Variants in RBFOX1 observed in about 807,000 individuals in gnomAD.
RBFOX1 encodes RNA binding fox-1 homolog 1.
In RBFOX1, 8 loss-of-function variants were observed where a neutral mutation model predicts 57.7. That is an observed-to-expected ratio of 0.14 (90% confidence interval 0.08 to 0.25). The LOEUF (loss-of-function observed/expected upper bound fraction) is 0.25, where lower values mean the gene tolerates loss of function less well. RBFOX1 is among the 10% of genes least tolerant of loss of function. The pLI is 1.00. For synonymous variants in RBFOX1, 326 were observed against 222.4 expected (o/e 1.47, Z -4.15); for missense variants, 611 against 548.5 (o/e 1.11, Z -1.14).
intron 14 of RBFOX1, among the ~76,000 whole-genome samples, chr16:7,690,428 C>G (rs376683281): frequency 7.2e-5 from 11 of 152,174 alleles, no homozygotes; most frequent in South Asian, 4.1e-4. Flanking sequence ...TAGAAGTGCA[C>G]CAATTATTTA....
At chr16:7,350,726 A>G (rs1326173179) in intron 4 of RBFOX1, among the ~76,000 whole-genome samples, 1 of 152,176 alleles carries the variant, frequency 6.6e-6, no homozygotes, top group East Asian at 1.9e-4. Flanking sequence ...TGACCGGAGA[A>G]TTCTGCCCTA....
chr16:6,254,640 GTC>G (rs2097649013), intron 1 of RBFOX1, among the ~76,000 whole-genome samples: 1 of 152,122 alleles, frequency 6.6e-6, no homozygotes, highest in African/African-American at 2.4e-5. Context: ...ATGCAATCTA[GTC>G]TCTGCGTGAA....
intron 2 of RBFOX1, among the ~76,000 whole-genome samples, chr16:6,385,214 A>G (rs548569168): frequency 6.6e-6 from 1 of 152,338 alleles, no homozygotes; most frequent in East Asian, 1.9e-4. Context: ...GCTTTTTCGT[A>G]TTTAAATAAT....
intron 3 of RBFOX1, among the ~76,000 whole-genome samples, chr16:6,944,416 GAAAGA>G (rs1408300987): frequency 7.1e-6 from 1 of 141,304 alleles, no homozygotes; most frequent in Non-Finnish European, 1.5e-5. Flanking sequence ...AAAAAAAAAA[GAAAGA>G]AAAGAAAAAA....
At chr16:5,532,780 G>A (rs776533484) in intron 2 of RBFOX1, among the ~76,000 whole-genome samples, 6 of 152,178 alleles carry the variant, frequency 3.9e-5, no homozygotes, top group African/African-American at 9.6e-5. Context: ...CTGGATTGGG[G>A]TGAATTGGGG....
At chr16:7,661,693 C>T (rs2067784957) in intron 12 of RBFOX1, among the ~76,000 whole-genome samples, 1 of 152,186 alleles carries the variant, frequency 6.6e-6, no homozygotes, top group South Asian at 2.1e-4. Context: ...CTTCTTCGGT[C>T]TTCATGCCTT....
At chr16:6,188,302 C>A (rs1387019079) in intron 1 of RBFOX1, among the ~76,000 whole-genome samples, 1 of 151,468 alleles carries the variant, frequency 6.6e-6, no homozygotes, top group African/African-American at 2.4e-5. Flanking sequence ...TTTCATGCTT[C>A]CTTCAATTTT....
chr16:6,742,686 C>T (rs1184540084), intron 3 of RBFOX1, among the ~76,000 whole-genome samples: 3 of 152,108 alleles, frequency 2.0e-5, no homozygotes, highest in African/African-American at 7.2e-5. Flanking sequence ...TACACAACAC[C>T]TGTGATGAAT....
chr16:6,646,682 C>T (rs542091853), intron 2 of RBFOX1, among the ~76,000 whole-genome samples: 11 of 152,052 alleles, frequency 7.2e-5, no homozygotes, highest in Non-Finnish European at 1.2e-4. Flanking sequence ...CAGAGAGCTG[C>T]TTTTCCTCAC....
chr16:7,098,040 A>C (rs9921385), intron 4 of RBFOX1, among the ~76,000 whole-genome samples: 211 of 152,236 alleles, frequency 1.4e-3, no homozygotes, highest in African/African-American at 4.8e-3. Context: ...GGAGTATTCA[A>C]GTAAAGCCAG....
At chr16:5,731,245 A>G (rs938118570) in intron 3 of RBFOX1, among the ~76,000 whole-genome samples, 1 of 151,588 alleles carries the variant, frequency 6.6e-6, no homozygotes, top group African/African-American at 2.4e-5. Context: ...ATCACTATCA[A>G]TGTCTCCACC....
At chr16:5,476,873 A>G (rs2151634045) in intron 2 of RBFOX1, among the ~76,000 whole-genome samples, 1 of 152,176 alleles carries the variant, frequency 6.6e-6, no homozygotes, top group African/African-American at 2.4e-5. Flanking sequence ...AACCTTTCTC[A>G]ATCTAGTTCT....
intron 2 of RBFOX1, among the ~76,000 whole-genome samples, chr16:6,557,982 C>G (rs1177743460): frequency 6.6e-6 from 1 of 152,176 alleles, no homozygotes; most frequent in Non-Finnish European, 1.5e-5. Flanking sequence ...CATTTTTGCT[C>G]ATGGGATACA....
At chr16:5,746,246 T>C (rs2052976113) in intron 3 of RBFOX1, among the ~76,000 whole-genome samples, 1 of 152,186 alleles carries the variant, frequency 6.6e-6, no homozygotes, top group South Asian at 2.1e-4. Context: ...ATCAGATGGT[T>C]GTAGATGTGT....
rs544628295 is a variant in RBFOX1, at chr16:6,999,899, C to G, written c.-15-52158C>G. Among the ~76,000 whole-genome samples, 426 of 151,930 alleles carry G rather than the reference C, an allele frequency of 2.8e-3. 4 individuals are homozygous for G. Among genetic ancestry groups the G allele is most frequent in the African/African-American group, 9.7e-3 (402 of 41,440 alleles). ...GCAGCCTGAGCAACATGGTGAAACC[C>G]TGTCTTTACTAAAAATACAGAAGTT... is the stretch of plus-strand genomic sequence containing the variant. On this transcript the variant is annotated intron_variant, in intron 3 of 15. Transcript: ENST00000550418.
chr16:6,300,530 A>G (rs1334977143), intron 1 of RBFOX1, among the ~76,000 whole-genome samples: 1 of 152,220 alleles, frequency 6.6e-6, no homozygotes, highest in Non-Finnish European at 1.5e-5. Flanking sequence ...CCTGTGGTAC[A>G]TATAAAGTAT....
intron 2 of RBFOX1, among the ~76,000 whole-genome samples, chr16:6,489,061 A>G (rs909263776): frequency 1.3e-5 from 2 of 152,188 alleles, no homozygotes; most frequent in African/African-American, 2.4e-5. Flanking sequence ...TCCTTGGAAC[A>G]TCTTTCTTTA....
rs113323986 is a variant in RBFOX1, at chr16:5,723,520, G to C, written c.318+124559G>C. On this transcript the variant is annotated intron_variant, in intron 3 of 19. Transcript: ENST00000641259. ...GGCAGTCTCAGGCTTGGGCTGGATGGTGTCTGAGATCTGATTTTGAGACCT... is the reference window on the plus strand; with the variant it reads ...GGCAGTCTCAGGCTTGGGCTGGATGCTGTCTGAGATCTGATTTTGAGACCT... Among the ~76,000 whole-genome samples the C allele has an allele frequency of 2.1e-4, 32 of 151,504 alleles. 1 individual carries two copies. Among genetic ancestry groups the C allele is most frequent in the African/African-American group, 7.3e-4 (30 of 41,154 alleles).
chr16:6,221,312 G>T (rs1441108130), intron 1 of RBFOX1, among the ~76,000 whole-genome samples: 5 of 152,122 alleles, frequency 3.3e-5, no homozygotes, highest in Non-Finnish European at 7.3e-5. Context: ...TATCACTGCT[G>T]TTTAATTTGA....
Sources: gnomAD v4.1 joint callset for allele counts (sites outside exome capture counted in the v4.1 genomes callset) on GRCh38, gnomAD v4.1.1 for gene constraint, MANE v1.5 for transcripts, NCBI Gene and HGNC (gene_info 2026-07-23, HGNC 2026-07-21) for gene names.